TRDN: variants seen among roughly 807,000 people sequenced by gnomAD.
TRDN encodes the protein triadin, also known as triadin in skeletal muscle.
A neutral mutation model predicts 149.7 loss-of-function variants in TRDN; 161 were observed. The observed-to-expected ratio is 1.08, with a 90% CI of 0.95 to 1.23. The LOEUF (loss-of-function observed/expected upper bound fraction) is 1.23, where lower values mean the gene tolerates loss of function less well. Ranked by LOEUF, TRDN falls within the 50% of genes most tolerant of loss-of-function variation. The probability of loss-of-function intolerance (pLI) is 0.00; values close to 1 mark genes in which losing one functional copy is unlikely to be tolerated. For synonymous variants in TRDN, 294 were observed against 250.5 expected (o/e 1.17, Z -1.64); for missense variants, 896 against 823.5 (o/e 1.09, Z -1.08).
At chr6:123,289,752 T>A (rs1458334149) in intron 24 of TRDN, among the ~76,000 whole-genome samples, 1 of 152,096 alleles carries the variant, frequency 6.6e-6, no homozygotes, top group Non-Finnish European at 1.5e-5. Context: ...TATGGGGTAG[T>A]CTCTTTTCCC....
intron 1 of TRDN, among the ~76,000 whole-genome samples, chr6:123,582,860 G>GA (rs1783200573): frequency 3.6e-5 from 1 of 27,696 alleles, no homozygotes; most frequent in Non-Finnish European, 6.1e-5. Flanking sequence ...CTTTGAGTGG[G>GA]ATTGGGGGGG....
At chr6:123,221,419 A>G in intron 40 of TRDN, 68 bp downstream of exon 40, 2 of 1,225,020 alleles carry the variant, frequency 1.6e-6, no homozygotes, top group Non-Finnish European at 1.1e-6. Flanking sequence ...AGAGTCTAAC[A>G]TTTTTACATA....
chr6:123,416,778 T>A (rs1050189212), intron 12 of TRDN, among the ~76,000 whole-genome samples: 1 of 151,800 alleles, frequency 6.6e-6, no homozygotes, highest in African/African-American at 2.4e-5. Context: ...CTCAGCTCGC[T>A]GAAACCTCCG....
intron 4 of TRDN, among the ~76,000 whole-genome samples, chr6:123,531,964 T>C (rs1231216135): frequency 6.6e-6 from 1 of 152,010 alleles, no homozygotes; most frequent in Admixed American, 6.6e-5. Context: ...ATCTTGACAA[T>C]GAAACATGTC....
intron 12 of TRDN, among the ~76,000 whole-genome samples, chr6:123,418,210 G>A (rs139556593): frequency 6.6e-6 from 1 of 152,242 alleles, no homozygotes; most frequent in East Asian, 1.9e-4. Flanking sequence ...AAGGGTGGAT[G>A]TTCGCACTGT....
At chr6:123,227,693 GAAC>G (rs1775432185) in intron 38 of TRDN, among the ~76,000 whole-genome samples, 1 of 151,842 alleles carries the variant, frequency 6.6e-6, no homozygotes, top group African/African-American at 2.4e-5. Context: ...GTTTGATCCT[GAAC>G]AACAACCATA....
rs768956930 is a variant in TRDN, at chr6:123,218,674, AAAGG to A, written c.2113_2116del (p.Pro705SerfsTer38). The stretch of plus-strand genomic sequence containing the variant: ...CTCTCCAGGGCGGTCTGCAGGAGTG[AAAGG>A]AAACTGAAATCCATAGCCATTGTAC... On this transcript the variant is annotated frameshift_variant, in exon 41 of 41. Coordinates refer to ENST00000334268, the MANE Select transcript of TRDN (RefSeq NM_006073.4). LOFTEE classifies it high-confidence loss of function. The A allele has an allele frequency of 2.5e-6, 4 of 1,607,566 alleles. No individual in the cohort carries two copies. Among genetic ancestry groups the A allele is most frequent in the Non-Finnish European group, 8.5e-7 (1 of 1,176,316 alleles).
At chr6:123,430,349 G>A (rs950143787) in intron 12 of TRDN, among the ~76,000 whole-genome samples, 4 of 151,870 alleles carry the variant, frequency 2.6e-5, no homozygotes, top group Admixed American at 1.3e-4. Context: ...TTGGGAGGCC[G>A]AGGCGCGCAC....
intron 10 of TRDN, among the ~76,000 whole-genome samples, chr6:123,455,036 T>A (rs1776024099): frequency 1.3e-5 from 2 of 152,224 alleles, no homozygotes. Context: ...ACTTTCAAGC[T>A]GATTGAGTCA....
At chr6:123,457,198 C>G (rs1776177842) in intron 10 of TRDN, among the ~76,000 whole-genome samples, 1 of 152,174 alleles carries the variant, frequency 6.6e-6, no homozygotes. Context: ...GGCTGTGAAG[C>G]AGGAAACTGG....
Position 123,225,572 on chromosome 6 carries a change from C to T in TRDN, c.1976-1441G>A, listed in dbSNP as rs147711924. ...CACACACACAGAATGGTGGTAACTACGTGAGGTGATGGCCATGTTAATTAG... is the reference window on the plus strand; with the variant it reads ...CACACACACAGAATGGTGGTAACTATGTGAGGTGATGGCCATGTTAATTAG... On this transcript the variant is annotated intron_variant, in intron 38 of 40. Transcript: ENST00000334268. Among the ~76,000 whole-genome samples the T allele has an allele frequency of 4.5e-3, 677 of 151,178 alleles. 4 individuals are homozygous for T. The highest frequency in any genetic ancestry group is 0.011 in the African/African-American group (437 of 41,306).
intron 1 of TRDN, among the ~76,000 whole-genome samples, chr6:123,610,834 C>G (rs899395583): frequency 2.0e-5 from 3 of 152,102 alleles, no homozygotes; most frequent in Admixed American, 6.6e-5. Context: ...TTTATTTGAG[C>G]ACCAAAGTGG....
intron 4 of TRDN, among the ~76,000 whole-genome samples, chr6:123,540,032 A>G (rs11154176): frequency 0.54 from 81,822 of 152,074 alleles, 22,980 homozygotes; most frequent in African/African-American, 0.63. Context: ...TGATGTAGAC[A>G]TTTGTGGCAT....
intron 12 of TRDN, among the ~76,000 whole-genome samples, chr6:123,415,687 T>C (rs114831762): frequency 2.2e-4 from 34 of 152,296 alleles, no homozygotes; most frequent in African/African-American, 7.9e-4. Flanking sequence ...ATACTACTGT[T>C]GTAGAGACCT....
chr6:123,635,955 T>C (rs1476960785), intron 1 of TRDN, among the ~76,000 whole-genome samples: 1 of 151,808 alleles, frequency 6.6e-6, no homozygotes, highest in African/African-American at 2.4e-5. Context: ...AACCATCAAA[T>C]AGAAGATATG....
At chr6:123,578,749 T>C (rs918749291) in intron 1 of TRDN, among the ~76,000 whole-genome samples, 5 of 152,212 alleles carry the variant, frequency 3.3e-5, no homozygotes, top group Admixed American at 2.0e-4. Context: ...TTGGGCAGTA[T>C]GGCCATTTTA....
At chr6:123,447,273 A>G (rs749705084) in intron 10 of TRDN, among the ~76,000 whole-genome samples, 6 of 152,218 alleles carry the variant, frequency 3.9e-5, no homozygotes, top group Non-Finnish European at 7.3e-5. Flanking sequence ...ATAAATCAAC[A>G]AATGCTTATC....
intron 10 of TRDN, among the ~76,000 whole-genome samples, chr6:123,452,105 A>C (rs1775812087): frequency 2.0e-5 from 3 of 152,156 alleles, no homozygotes; most frequent in African/African-American, 2.4e-5. Flanking sequence ...CCTTAATGTA[A>C]TAAAAGCTTT....
At chr6:123,364,134 T>G (rs2114350239) in intron 20 of TRDN, among the ~76,000 whole-genome samples, 1 of 152,320 alleles carries the variant, frequency 6.6e-6, no homozygotes, top group South Asian at 2.1e-4. Context: ...CTACTCTGGC[T>G]CAGGAAGCTG....
Sources: allele counts gnomAD v4.1 joint callset (sites outside exome capture counted in the v4.1 genomes callset), GRCh38; gene constraint gnomAD v4.1.1; transcripts MANE v1.5; gene names NCBI Gene and HGNC (gene_info 2026-07-23, HGNC 2026-07-21).